IQSEC1: variants seen among roughly 807,000 people sequenced by gnomAD.
IQSEC1 encodes IQ motif and SEC7 domain-containing protein 1.
In IQSEC1, 31 loss-of-function variants were observed where a neutral mutation model predicts 91.0. The observed-to-expected ratio is 0.34, with a 90% CI of 0.26 to 0.46. IQSEC1 has a LOEUF of 0.46. Among genes scored for constraint, IQSEC1 ranks in the 20% least tolerant of loss-of-function variants. The probability of loss-of-function intolerance (pLI) is 1.00; values close to 1 mark genes in which losing one functional copy is unlikely to be tolerated. For synonymous variants in IQSEC1, 699 were observed against 662.6 expected (o/e 1.05, Z -0.84); for missense variants, 1,388 against 1,575.6 (o/e 0.88, Z 2.02).
At chr3:13,005,954 G>A (rs1201369903) in intron 1 of IQSEC1, among the ~76,000 whole-genome samples, 1 of 152,150 alleles carries the variant, frequency 6.6e-6, no homozygotes, top group Non-Finnish European at 1.5e-5. Flanking sequence ...CACAAAACCA[G>A]GTACTCTGTC....
At position 12,967,741 on chromosome 3, in the gene IQSEC1, G is replaced by A. The variant is rs1661027574; in HGVS notation, c.24-25876C>T. On this transcript the variant is annotated intron_variant, in intron 1 of 13. Coordinates refer to ENST00000613206, the MANE Select transcript of IQSEC1 (RefSeq NM_001134382.3). This position sits in a 1 kb window ranked among gnomAD's most constrained non-coding sequence, Gnocchi z 5.9. ...ATGTGGCCCTGAAGTGGGCGGGGCA[G>A]GGCGGGGGCGGGGCCGGAGGGCGAG... 8.6e-6 allele frequency: 9 copies of A among 1,046,008 alleles called. No homozygotes were observed. Among genetic ancestry groups the A allele is most frequent in the Non-Finnish European group, 1.0e-5 (9 of 869,218 alleles). 64.8% of individuals were successfully genotyped at this position (1,046,008 alleles called of 1,614,324 possible). A position where few individuals can be genotyped will look rare whatever the true frequency, so the allele number is the denominator to read the frequency against.
chr3:13,186,964 A>G (rs1451191853), intron 1 of IQSEC1, among the ~76,000 whole-genome samples: 1 of 150,764 alleles, frequency 6.6e-6, no homozygotes, highest in Non-Finnish European at 1.5e-5. Flanking sequence ...CCCGCTCCTT[A>G]CTTCCTTCCC....
chr3:13,147,261 G>C (rs2124951191), intron 2 of IQSEC1, among the ~76,000 whole-genome samples: 1 of 152,298 alleles, frequency 6.6e-6, no homozygotes, highest in African/African-American at 2.4e-5. Context: ...CAGTGCAGGG[G>C]TCACCAGGGT....
intron 2 of IQSEC1, among the ~76,000 whole-genome samples, chr3:13,124,168 G>C (rs1219331372): frequency 1.3e-5 from 2 of 152,218 alleles, no homozygotes; most frequent in Non-Finnish European, 2.9e-5. Context: ...AGTGCAGACA[G>C]CTTCCAGGGG....
intron 2 of IQSEC1, among the ~76,000 whole-genome samples, chr3:13,100,817 A>G (rs1224571454): frequency 1.3e-5 from 2 of 148,954 alleles, no homozygotes; most frequent in Non-Finnish European, 3.0e-5. Flanking sequence ...CTGCTGCCAC[A>G]GCGTCGGGGG....
At chr3:13,231,055 T>C (rs1001132819) in intron 1 of IQSEC1, among the ~76,000 whole-genome samples, 1 of 152,210 alleles carries the variant, frequency 6.6e-6, no homozygotes. Context: ...ATAAATTTGA[T>C]GTTTGCTTTT....
chr3:12,907,022 G>T (rs140251223), intron 12 of IQSEC1, among the ~76,000 whole-genome samples: 22 of 152,288 alleles, frequency 1.4e-4, no homozygotes, highest in African/African-American at 2.4e-4. Context: ...TGACTGTCAT[G>T]ACAGGGAAGA....
intron 2 of IQSEC1, among the ~76,000 whole-genome samples, chr3:13,151,832 G>A (rs1358216930): frequency 6.6e-6 from 1 of 152,188 alleles, no homozygotes; most frequent in East Asian, 1.9e-4. Context: ...TGGGTATGGT[G>A]GCAGGTGCCT....
intron 13 of IQSEC1, 100 bp from the exon 14 acceptor site, chr3:12,901,622 C>T: frequency 9.7e-7 from 1 of 1,030,198 alleles, no homozygotes; most frequent in Non-Finnish European, 1.4e-6. Flanking sequence ...CCACTGACTG[C>T]TAAGCTTTAG....
At chr3:12,955,307 C>T (rs747035996) in intron 1 of IQSEC1, among the ~76,000 whole-genome samples, 2 of 152,258 alleles carry the variant, frequency 1.3e-5, no homozygotes, top group Admixed American at 6.5e-5. Context: ...GCCTACCCCA[C>T]CCTCCCACAG....
At chr3:12,919,877 G>T (rs964357879) in intron 6 of IQSEC1, among the ~76,000 whole-genome samples, 1 of 152,174 alleles carries the variant, frequency 6.6e-6, no homozygotes, top group Admixed American at 6.5e-5. Context: ...CTCGCTGCCT[G>T]TAGACTCCGC....
At chr3:13,101,783 T>C (rs1706069364) in intron 2 of IQSEC1, among the ~76,000 whole-genome samples, 1 of 152,010 alleles carries the variant, frequency 6.6e-6, no homozygotes, top group South Asian at 2.1e-4. Context: ...GCTGGAGATA[T>C]AAATTTGGGG....
intron 1 of IQSEC1, among the ~76,000 whole-genome samples, chr3:13,251,183 C>T (rs962468540): frequency 6.6e-6 from 1 of 152,242 alleles, no homozygotes; most frequent in Non-Finnish European, 1.5e-5. Flanking sequence ...GATGTGTACA[C>T]AGCTCACTTG....
At chr3:13,098,916 G>C (rs1478683722) in intron 2 of IQSEC1, among the ~76,000 whole-genome samples, 1 of 152,212 alleles carries the variant, frequency 6.6e-6, no homozygotes, top group Non-Finnish European at 1.5e-5. Flanking sequence ...TCCACGGAAT[G>C]ATACACTTTA....
intron 1 of IQSEC1, among the ~76,000 whole-genome samples, chr3:13,239,988 C>G (rs1694994242): frequency 6.6e-6 from 1 of 152,052 alleles, no homozygotes; most frequent in Admixed American, 6.6e-5. Context: ...GTGCTAATGC[C>G]ACTTTGCGCG....
chr3:13,125,344 C>G (rs1240089579), intron 2 of IQSEC1, among the ~76,000 whole-genome samples: 2 of 152,218 alleles, frequency 1.3e-5, no homozygotes, highest in Non-Finnish European at 2.9e-5. Context: ...CCCACCTCCA[C>G]CAGGTGAGGC....
intron 1 of IQSEC1, among the ~76,000 whole-genome samples, chr3:13,025,628 T>C (rs1703583949): frequency 6.6e-6 from 1 of 152,200 alleles, no homozygotes; most frequent in Non-Finnish European, 1.5e-5. Context: ...CCTGTGGTCT[T>C]AGGGCCTTGA....
intron 2 of IQSEC1, among the ~76,000 whole-genome samples, chr3:13,133,619 C>A (rs1460856461): frequency 6.6e-6 from 1 of 152,208 alleles, no homozygotes; most frequent in Admixed American, 6.5e-5. Context: ...AATTGGCCGC[C>A]TTTGAAGAGC....
intron 1 of IQSEC1, among the ~76,000 whole-genome samples, chr3:13,041,003 C>T (rs537571272): frequency 4.6e-5 from 7 of 152,186 alleles, no homozygotes; most frequent in East Asian, 1.9e-4. Flanking sequence ...GATTGCATCT[C>T]GAGACAGGAA....
Sources: gnomAD v4.1 joint callset for allele counts (sites outside exome capture counted in the v4.1 genomes callset) on GRCh38, gnomAD v4.1.1 for gene constraint, Gnocchi (gnomAD v3.1) non-coding constraint, MANE v1.5 for transcripts, NCBI Gene and HGNC (gene_info 2026-07-23, HGNC 2026-07-21) for gene names.